Variants in EPS8L1 observed in about 807,000 individuals in gnomAD.
The protein encoded by EPS8L1 is EPS8 signaling adaptor L1.
A neutral mutation model predicts 91.7 loss-of-function variants in EPS8L1; 101 were observed. That is an observed-to-expected ratio of 1.10 (90% CI 0.94 to 1.30). The LOEUF (loss-of-function observed/expected upper bound fraction) is 1.30, where lower values mean the gene tolerates loss of function less well. Among genes scored for constraint, EPS8L1 ranks in the 50% most tolerant of loss-of-function variants. EPS8L1 has a pLI of 0.00. For missense variants in EPS8L1, 1,114 were observed against 1,017.0 expected (o/e 1.10, Z -1.30); for synonymous variants, 506 against 445.3 (o/e 1.14, Z -1.72).
chr19:55,081,408 G>T lies in EPS8L1; in HGVS notation c.690G>T (p.Gly230=), dbSNP rs762870588. 9 of 1,594,406 alleles carry T rather than the reference G, an allele frequency of 5.6e-6. No homozygotes were observed. The Admixed American group carries it at 1.2e-4, about 22-fold the overall frequency. ...AEEAQRPEPV[G]TSSNADSASP... ...AGGCGCAGAGGCCTGAGCCGGTGGGGACCTCGAGCAACGCTGACTCGGCCT... is the reference window on the plus strand; with the variant it reads ...AGGCGCAGAGGCCTGAGCCGGTGGGTACCTCGAGCAACGCTGACTCGGCCT... Residue 230 remains glycine (G), a synonymous_variant, in exon 8 of 20, where the codon GGG becomes GGT. Coordinates refer to ENST00000201647, the MANE Select transcript of EPS8L1 (RefSeq NM_133180.3). This position sits in a 1 kb window ranked among gnomAD's most constrained non-coding sequence, Gnocchi z 4.9.
chr19:55,085,993 G>T lies in EPS8L1; in HGVS notation c.1518+20G>T, dbSNP rs1215643334. The T allele has an allele frequency of 1.4e-5, 23 of 1,608,032 alleles. No homozygotes were observed. Among genetic ancestry groups the T allele is most frequent in the Non-Finnish European group, 1.9e-5 (22 of 1,175,042 alleles). ...CTGGAGGTTAGAGGAGCGGGAGGCT[G>T]AGGGGCAGGAATTAGCCAGCCCTAG... On this transcript the variant is annotated intron_variant, in intron 15 of 19. Transcript: ENST00000201647.
intron 10 of EPS8L1, 32 bp from the exon 11 acceptor site, chr19:55,082,243 C>A: frequency 6.2e-7 from 1 of 1,604,362 alleles, no homozygotes; most frequent in Non-Finnish European, 8.5e-7. Context: ...GTCCCCGCAC[C>A]CACGCCAACC....
In EPS8L1 at chr19:55,083,101, G is replaced by C. The variant is rs1406074160; in HGVS notation, c.1215-277G>C. On this transcript the variant is annotated intron_variant, in intron 12 of 19. Coordinates refer to ENST00000201647, the MANE Select transcript of EPS8L1 (RefSeq NM_133180.3). This position sits in a 1 kb window ranked among gnomAD's most constrained non-coding sequence, Gnocchi z 4.7. ...GAGATGGATGGGGTCTCAATATTTT[G>C]CCCAGGCTGGTCTGGAACTCCTGGC... Among the ~76,000 whole-genome samples the C allele has an allele frequency of 6.6e-6, 1 of 152,144 alleles. No homozygotes were observed. The highest frequency in any genetic ancestry group is 1.5e-5 in the Non-Finnish European group (1 of 68,022).
rs553868661 is a variant in EPS8L1, at chr19:55,083,576, C to T, written c.1357-40C>T. ...GGGAAGTCCGGGGGCGCGGCCGGTCCGCCTGGCCCCGCCTGACCCGACTGT... is the reference window on the plus strand; with the variant it reads ...GGGAAGTCCGGGGGCGCGGCCGGTCTGCCTGGCCCCGCCTGACCCGACTGT... On this transcript the variant is annotated intron_variant, in intron 13 of 19. Coordinates refer to ENST00000201647, the MANE Select transcript of EPS8L1 (RefSeq NM_133180.3). This position sits in a 1 kb window ranked among gnomAD's most constrained non-coding sequence, Gnocchi z 4.7. The T allele has an allele frequency of 3.1e-6, 5 of 1,591,600 alleles. No homozygotes were observed. The African/African-American group carries it at 5.4e-5, about 17-fold the overall frequency.
intron 1 of EPS8L1, among the ~76,000 whole-genome samples, chr19:55,076,202 A>G (rs1384501800): frequency 1.4e-4 from 7 of 51,280 alleles, no homozygotes; most frequent in Admixed American, 2.2e-4. Context: ...CTGAGGGAGG[A>G]GGGGACTGGG....
At chr19:55,079,655 T>TA (rs1568779209) in intron 4 of EPS8L1, 35 bp from the exon 5 acceptor site, 1 of 1,601,746 alleles carries the variant, frequency 6.2e-7, no homozygotes, top group South Asian at 1.1e-5. Flanking sequence ...TGGCATCATC[T>TA]TGGGCCTCAC....
chr19:55,077,957 A>G (rs998138722), intron 2 of EPS8L1, 131 bp from the exon 3 acceptor site: 5 of 354,452 alleles, frequency 1.4e-5, no homozygotes, highest in Non-Finnish European at 2.0e-5. Context: ...TAATAATAAT[A>G]ATAATAATAA....
intron 2 of EPS8L1, 79 bp downstream of exon 2, chr19:55,076,540 G>A (rs1056894684): frequency 2.4e-5 from 36 of 1,529,230 alleles, no homozygotes; most frequent in South Asian, 5.8e-5. Flanking sequence ...ACCCGCTTGC[G>A]GCAGCCCAGA....
intron 14 of EPS8L1, chr19:55,084,015 G>A (rs1202496964): frequency 2.0e-6 from 1 of 506,828 alleles, no homozygotes; most frequent in Non-Finnish European, 3.6e-6. Flanking sequence ...CTCCCTAGGA[G>A]GACAGAGCCC....
At chr19:55,079,641 C>T in intron 4 of EPS8L1, 49 bp from the exon 5 acceptor site, 3 of 1,585,754 alleles carry the variant, frequency 1.9e-6, no homozygotes, top group Non-Finnish European at 2.6e-6. Flanking sequence ...ATTCTGAGCC[C>T]ACCTGGCATC....
At chr19:55,077,016 T>C (rs1289379718) in intron 2 of EPS8L1, among the ~76,000 whole-genome samples, 2 of 152,076 alleles carry the variant, frequency 1.3e-5, no homozygotes, top group African/African-American at 2.4e-5. Context: ...GGTAATCAAA[T>C]TGTGGTGACA....
In EPS8L1 at chr19:55,087,837, A is replaced by T; in HGVS notation, c.*223A>T. Reference sequence around the variant, plus strand: ...GAGGGCGTGGAGACAGTCTACGGAAAGCGCTAGCAGACCCCCGAGAGGGTG... The same window carrying T: ...GAGGGCGTGGAGACAGTCTACGGAATGCGCTAGCAGACCCCCGAGAGGGTG... On this transcript the variant is annotated 3_prime_UTR_variant, in exon 20 of 20. Coordinates refer to ENST00000201647, the MANE Select transcript of EPS8L1 (RefSeq NM_133180.3). 1 of 572,718 alleles carries T rather than the reference A, an allele frequency of 1.7e-6. No homozygotes were observed. The highest frequency in any genetic ancestry group is 3.1e-6 in the Non-Finnish European group (1 of 320,094). 35.5% of individuals were successfully genotyped at this position (572,718 alleles called of 1,614,324 possible). A position where few individuals can be genotyped will look rare whatever the true frequency, so the allele number is the denominator to read the frequency against.
intron 18 of EPS8L1, 170 bp from the exon 19 acceptor site, chr19:55,087,133 C>T: frequency 8.6e-7 from 1 of 1,163,986 alleles, no homozygotes; most frequent in Non-Finnish European, 1.2e-6. Flanking sequence ...GCCACGCCCC[C>T]CGGGTGGCAA....
At chr19:55,086,220 G>A in intron 16 of EPS8L1, 28 bp downstream of exon 16, 1 of 1,593,274 alleles carries the variant, frequency 6.3e-7, no homozygotes, top group Non-Finnish European at 8.6e-7. Flanking sequence ...CTGGGATCTT[G>A]AGGGTGGAGA....
intron 6 of EPS8L1, 132 bp downstream of exon 6, chr19:55,080,410 G>A: frequency 6.3e-7 from 1 of 1,584,906 alleles, no homozygotes; most frequent in East Asian, 2.3e-5. Context: ...GAAGGGCAGG[G>A]GACCTGGGAA....
rs1568798411 is a variant in EPS8L1 at position 55,086,900 on chromosome 19, CG to C, written c.1952+16del. ...GGCTTTAGCTCCGGGTGAGTGGGGC[CG>C]GGGCCCTCTCGGCGCGGGTTGATAC... On this transcript the variant is annotated intron_variant, in intron 18 of 19. Coordinates refer to ENST00000201647, the MANE Select transcript of EPS8L1 (RefSeq NM_133180.3). 7.0e-7 allele frequency: 1 copy of C among 1,418,548 alleles called. No homozygotes were observed. The highest frequency in any genetic ancestry group is 1.5e-5 in the African/African-American group (1 of 65,934). The allele number at this position is 1,418,548 out of a possible 1,614,324, so 87.9% of individuals were successfully genotyped here.
Position 55,081,592 on chromosome 19 carries a change from G to A in EPS8L1, c.774+100G>A. The A allele has an allele frequency of 8.1e-7, 1 of 1,227,856 alleles. No individual in the cohort carries two copies. Among genetic ancestry groups the A allele is most frequent in the Non-Finnish European group, 1.1e-6 (1 of 935,368 alleles). The allele number at this position is 1,227,856 out of a possible 1,614,324, so 76.1% of individuals were successfully genotyped here. On this transcript the variant is annotated intron_variant, in intron 8 of 19. Transcript: ENST00000201647. The surrounding 1 kb of genome is among the most constrained non-coding windows in gnomAD (Gnocchi z 4.9). ...CCGGCTGCGGGACGGGCGTTCTCTG[G>A]TCAGACTTCTGCGTTATGGAAGAGG...
chr19:55,086,629 T>G (rs1379115912), intron 17 of EPS8L1, 85 bp from the exon 18 acceptor site: 1 of 1,495,490 alleles, frequency 6.7e-7, no homozygotes, highest in East Asian at 2.4e-5. Context: ...CTGGGGACGC[T>G]GGAGCGCCCC....
Position 55,086,476 on chromosome 19 carries a change from G to T in EPS8L1, c.1735G>T (p.Asp579Tyr). Residue 579 changes from aspartate (D) to tyrosine (Y), a missense_variant, in exon 17 of 20, where the codon GAC becomes TAC. Physicochemically the swap from Asp to Tyr is radical, Grantham distance 160. Coordinates refer to ENST00000201647, the MANE Select transcript of EPS8L1 (RefSeq NM_133180.3). ...GCCCCGCTGGGACAGGCCCCGCTGG[G>T]ACAGCTGCGATAGCCTCAACGGCTT... ...ARPRWDRPRW[D>Y]SCDSLNGLDP... 8 of 1,551,894 alleles carry T rather than the reference G, an allele frequency of 5.2e-6. No homozygotes were observed. The highest frequency in any genetic ancestry group is 6.1e-6 in the Non-Finnish European group (7 of 1,147,110).
Sources: allele counts gnomAD v4.1 joint callset (sites outside exome capture counted in the v4.1 genomes callset), GRCh38; gene constraint gnomAD v4.1.1; non-coding constraint Gnocchi (gnomAD v3.1); transcripts MANE v1.5; gene names NCBI Gene and HGNC (gene_info 2026-07-23, HGNC 2026-07-21).